ARHGAP28: variants seen among roughly 807,000 people sequenced by gnomAD.
The protein encoded by ARHGAP28 is Rho GTPase activating protein 28, also known as rho GTPase-activating protein 28.
A neutral mutation model predicts 90.7 loss-of-function variants in ARHGAP28; 56 were observed. That is an observed-to-expected ratio of 0.62 (90% CI 0.50 to 0.77). The LOEUF (loss-of-function observed/expected upper bound fraction) is 0.77, where lower values mean the gene tolerates loss of function less well. ARHGAP28 is among the 30% of genes least tolerant of loss of function. ARHGAP28 has a pLI of 0.00. For synonymous variants in ARHGAP28, 308 were observed against 323.3 expected, an observed-to-expected ratio of 0.95 and a Z score of 0.51; for missense variants, 869 against 900.9, an observed-to-expected ratio of 0.96 and a Z score of 0.45.
At chr18:6,855,553 T>C (rs950187547) in intron 4 of ARHGAP28, among the ~76,000 whole-genome samples, 9 of 152,204 alleles carry the variant, frequency 5.9e-5, no homozygotes. Flanking sequence ...GTACCTCATT[T>C]TTCCTGGACC....
Position 6,912,114 on chromosome 18 carries a change from C to A in ARHGAP28, c.2150C>A (p.Pro717His). The A allele has an allele frequency of 6.2e-7, 1 of 1,608,646 alleles. No homozygotes were observed. The highest frequency in any genetic ancestry group is 8.5e-7 in the Non-Finnish European group (1 of 1,176,428). Residue 717 changes from proline to histidine, a missense_variant, in exon 18 of 18, where the codon CCT becomes CAT. Transcript: ENST00000383472. Reference sequence around the variant, plus strand: ...ATATTGGATGTATATCGTATAAATCCTCAAGCAGAATGGGTGATTAAACCC... The same window carrying A: ...ATATTGGATGTATATCGTATAAATCATCAAGCAGAATGGGTGATTAAACCC... ...AYILDVYRIN[P>H]QAEWVIKPQQ...
rs182919582 is a variant in ARHGAP28, at chr18:6,822,800, G to A, written c.123-1962G>A. Reference sequence around the variant, plus strand: ...AGAAATCTCTACTAAATTTAGATGCGATTTAGAAATCCAGGAGGATTCCTA... The same window carrying A: ...AGAAATCTCTACTAAATTTAGATGCAATTTAGAAATCCAGGAGGATTCCTA... On this transcript the variant is annotated intron_variant, in intron 1 of 17. Transcript: ENST00000383472. Among the ~76,000 whole-genome samples the A allele has an allele frequency of 4.8e-4, 73 of 152,228 alleles. 1 individual carries two copies. Among genetic ancestry groups the A allele is most frequent in the African/African-American group, 1.5e-3 (63 of 41,534 alleles).
intron 1 of ARHGAP28, among the ~76,000 whole-genome samples, chr18:6,755,931 T>C (rs2056105589): frequency 6.6e-6 from 1 of 152,246 alleles, no homozygotes; most frequent in African/African-American, 2.4e-5. Context: ...TATAAGTCAC[T>C]GTTATTTCAC....
chr18:6,891,057 A>G (rs1019640179), intron 14 of ARHGAP28, among the ~76,000 whole-genome samples: 1 of 152,254 alleles, frequency 6.6e-6, no homozygotes, highest in Non-Finnish European at 1.5e-5. Context: ...AATTAACTTT[A>G]CTGCTTTTAT....
intron 1 of ARHGAP28, among the ~76,000 whole-genome samples, chr18:6,779,587 G>A (rs566528431): frequency 3.9e-5 from 6 of 152,152 alleles, no homozygotes; most frequent in Admixed American, 2.6e-4. Context: ...GGTATACCCC[G>A]ATCTCCTTAA....
chr18:6,876,788 A>G (rs1344604065), intron 10 of ARHGAP28, among the ~76,000 whole-genome samples: 1 of 152,208 alleles, frequency 6.6e-6, no homozygotes, highest in Non-Finnish European at 1.5e-5. Flanking sequence ...GTTAACATCC[A>G]CATCTAAAAC....
At chr18:6,902,887 A>G (rs960137624) in intron 16 of ARHGAP28, among the ~76,000 whole-genome samples, 9 of 152,238 alleles carry the variant, frequency 5.9e-5, no homozygotes, top group Non-Finnish European at 1.0e-4. Flanking sequence ...CATTATTCAC[A>G]ATAGTTAAAA....
intron 1 of ARHGAP28, among the ~76,000 whole-genome samples, chr18:6,801,151 G>A (rs1424757217): frequency 6.6e-6 from 1 of 152,118 alleles, no homozygotes; most frequent in Non-Finnish European, 1.5e-5. Flanking sequence ...TTAGGTCTAT[G>A]ATCCATTTTG....
intron 1 of ARHGAP28, among the ~76,000 whole-genome samples, chr18:6,753,665 T>G (rs2056087267): frequency 6.6e-6 from 1 of 152,224 alleles, no homozygotes; most frequent in South Asian, 2.1e-4. Context: ...TTGGTGAAAT[T>G]AGATTGAATT....
rs2057409470 is a variant in ARHGAP28 at position 6,913,519 on chromosome 18, A to C, written c.*1365A>C. 6.6e-6 allele frequency: 1 copy of C among 152,234 alleles called. No individual in the cohort carries two copies. Among genetic ancestry groups the C allele is most frequent in the Non-Finnish European group, 1.5e-5 (1 of 68,038 alleles). 9.4% of individuals were successfully genotyped at this position (152,234 alleles called of 1,614,324 possible). A position where few individuals can be genotyped will look rare whatever the true frequency, so the allele number is the denominator to read the frequency against. ...ATGACTCTCTCTTAACAATTCAAGCAGTAGACAAAGTTGCTCACAAATACA... is the reference window on the plus strand; with the variant it reads ...ATGACTCTCTCTTAACAATTCAAGCCGTAGACAAAGTTGCTCACAAATACA... On this transcript the variant is annotated 3_prime_UTR_variant, in exon 18 of 18. Transcript: ENST00000383472.
chr18:6,847,304 T>A (rs1324235436), intron 3 of ARHGAP28, among the ~76,000 whole-genome samples: 1 of 152,138 alleles, frequency 6.6e-6, no homozygotes, highest in African/African-American at 2.4e-5. Flanking sequence ...CTCTCATTAT[T>A]CTGGGCTTAT....
intron 1 of ARHGAP28, among the ~76,000 whole-genome samples, chr18:6,748,532 C>T (rs1197115317): frequency 6.6e-6 from 1 of 152,146 alleles, no homozygotes; most frequent in Non-Finnish European, 1.5e-5. Context: ...ACTTCTGTGG[C>T]TTGGATGTTT....
At chr18:6,832,807 C>T (rs1162639742) in intron 2 of ARHGAP28, among the ~76,000 whole-genome samples, 1 of 152,116 alleles carries the variant, frequency 6.6e-6, no homozygotes, top group South Asian at 2.1e-4. Context: ...TTTTTCTTCA[C>T]AATTTCTTCA....
At chr18:6,891,330 G>C (rs1162542163) in intron 14 of ARHGAP28, among the ~76,000 whole-genome samples, 3 of 146,926 alleles carry the variant, frequency 2.0e-5, no homozygotes, top group African/African-American at 7.6e-5. Flanking sequence ...TTTTTTTTTT[G>C]AGACAGAGTC....
At chr18:6,909,533 T>C (rs2057384968) in intron 17 of ARHGAP28, among the ~76,000 whole-genome samples, 1 of 151,910 alleles carries the variant, frequency 6.6e-6, no homozygotes, top group Admixed American at 6.6e-5. Flanking sequence ...CCTCAAGTGA[T>C]CCACCCGCCT....
intron 1 of ARHGAP28, among the ~76,000 whole-genome samples, chr18:6,750,241 T>C (rs933302211): frequency 2.0e-5 from 3 of 152,182 alleles, no homozygotes; most frequent in Admixed American, 6.5e-5. Context: ...TTTTACAGAT[T>C]TAGAAACTGA....
rs201773758 is a variant in ARHGAP28 at position 6,800,474 on chromosome 18, G to GAT, written c.123-24286_123-24285dup. 8.4e-3 allele frequency among the ~76,000 whole-genome samples: 1,276 copies of GAT among 152,290 alleles called. 9 individuals are homozygous for GAT. Among genetic ancestry groups the GAT allele is most frequent in the Admixed American group, 0.015 (237 of 15,298 alleles). ...GGAACCAACCCAAATGCACATCAGT[G>GAT]ATAGACTAGATAAAGAAAATGTGGC... On this transcript the variant is annotated intron_variant, in intron 1 of 17. Coordinates refer to ENST00000383472, the MANE Select transcript of ARHGAP28 (RefSeq NM_001366230.1).
intron 10 of ARHGAP28, among the ~76,000 whole-genome samples, chr18:6,880,817 G>A (rs1026527608): frequency 9.2e-5 from 14 of 152,072 alleles, no homozygotes; most frequent in African/African-American, 1.7e-4. Flanking sequence ...TAAATGAGTC[G>A]TATCAGCTCA....
At chr18:6,855,550 A>G (rs2056946136) in intron 4 of ARHGAP28, among the ~76,000 whole-genome samples, 1 of 151,982 alleles carries the variant, frequency 6.6e-6, no homozygotes, top group Non-Finnish European at 1.5e-5. Flanking sequence ...CGTGTACCTC[A>G]TTTTTCCTGG....
Sources: allele counts gnomAD v4.1 joint callset (sites outside exome capture counted in the v4.1 genomes callset), GRCh38; gene constraint gnomAD v4.1.1; transcripts MANE v1.5; gene names NCBI Gene and HGNC (gene_info 2026-07-23, HGNC 2026-07-21).